The following BANP variants were observed in gnomAD, a reference collection of about 807,000 sequenced individuals.
BANP encodes BTG3 associated nuclear protein, also known as protein BANP.
Under a neutral mutation model 68.1 loss-of-function variants are expected in BANP, and 11 were observed. That is an observed-to-expected ratio of 0.16 (90% confidence interval 0.10 to 0.27). The LOEUF is 0.27. BANP is among the 10% of genes least tolerant of loss of function. BANP has a pLI of 1.00. For missense variants in BANP, 504 were observed against 722.7 expected (o/e 0.70, Z 3.47); for synonymous variants, 329 against 303.2 (o/e 1.09, Z -0.88).
chr16:87,950,839 A>G (rs2056734701), upstream of BANP: 1 of 152,146 alleles, frequency 6.6e-6, no homozygotes, highest in Non-Finnish European at 1.5e-5. Context: ...GCCCCTCTGG[A>G]TAGACACTGG....
intron 7 of BANP, among the ~76,000 whole-genome samples, chr16:88,020,453 G>C (rs1199118235): frequency 3.3e-5 from 5 of 152,252 alleles, no homozygotes; most frequent in African/African-American, 1.2e-4. Context: ...GTGGATCACA[G>C]TGTGGAGTGC....
chr16:88,073,185 C>T (rs1279792192), intron 13 of BANP, among the ~76,000 whole-genome samples: 1 of 152,248 alleles, frequency 6.6e-6, no homozygotes, highest in East Asian at 1.9e-4. Context: ...AGCTCACGCT[C>T]ACCAGGGTGC....
chr16:87,967,013 C>T (rs776558304), intron 1 of BANP, among the ~76,000 whole-genome samples: 4 of 152,172 alleles, frequency 2.6e-5, no homozygotes, highest in Non-Finnish European at 5.9e-5. Context: ...AGGAGGAGCA[C>T]GGAAGAAGGG....
intron 1 of BANP, chr16:87,966,746 T>C (rs1225659863): frequency 1.3e-5 from 2 of 152,234 alleles, no homozygotes; most frequent in African/African-American, 4.8e-5. Context: ...TAACCTGGAC[T>C]CTCTGGACCC....
chr16:88,010,980 A>C (rs1183732037), intron 6 of BANP, among the ~76,000 whole-genome samples: 1 of 152,256 alleles, frequency 6.6e-6, no homozygotes, highest in African/African-American at 2.4e-5. Flanking sequence ...GTGAGGTAAC[A>C]GGAAACATTT....
intron 6 of BANP, among the ~76,000 whole-genome samples, chr16:88,010,654 T>C (rs1405194204): frequency 6.6e-6 from 1 of 152,264 alleles, no homozygotes; most frequent in African/African-American, 2.4e-5. Context: ...GTCCACACAA[T>C]GTTAGCCGTG....
intron 11 of BANP, among the ~76,000 whole-genome samples, chr16:88,040,795 G>C (rs2080579008): frequency 6.6e-6 from 1 of 152,228 alleles, no homozygotes; most frequent in African/African-American, 2.4e-5. Context: ...TGTTCCAGGT[G>C]GTTGGGGGAG....
At chr16:87,975,206 A>T (rs1486853916) in intron 2 of BANP, 21 bp downstream of exon 2, 8 of 1,612,006 alleles carry the variant, frequency 5.0e-6, no homozygotes, top group Non-Finnish European at 5.9e-6. Flanking sequence ...GTGGGACAGT[A>T]GGTGAAATAT....
Position 88,064,814 on chromosome 16 carries a change from C to A in BANP, c.1312-453C>A, listed in dbSNP as rs935554463. On this transcript the variant is annotated intron_variant, in intron 11 of 13. Coordinates refer to ENST00000682872, the MANE Select transcript of BANP (RefSeq NM_001386991.1). This position sits in a 1 kb window ranked among gnomAD's most constrained non-coding sequence, Gnocchi z 4.5. Reference sequence around the variant, plus strand: ...GGCTGGGATAGGAGACAGCCAGGACCCCTCAGCTTCTGAGGGCCGTGGCCT... The same window carrying A: ...GGCTGGGATAGGAGACAGCCAGGACACCTCAGCTTCTGAGGGCCGTGGCCT... 6.6e-6 allele frequency among the ~76,000 whole-genome samples: 1 copy of A among 152,238 alleles called. No homozygotes were observed. Among genetic ancestry groups the A allele is most frequent in the East Asian group, 1.9e-4 (1 of 5,184 alleles).
chr16:87,991,606 G>A (rs892071208), intron 4 of BANP, among the ~76,000 whole-genome samples: 1 of 152,286 alleles, frequency 6.6e-6, no homozygotes, highest in African/African-American at 2.4e-5. Context: ...CAGCTTCTGT[G>A]CATATTTTGT....
chr16:87,995,527 T>A (rs1190768062), intron 4 of BANP, among the ~76,000 whole-genome samples: 2 of 152,342 alleles, frequency 1.3e-5, no homozygotes, highest in Non-Finnish European at 2.9e-5. Context: ...ATACTTTTCC[T>A]TGAGAGAATT....
At chr16:87,964,734 G>A (rs1458436721) in intron 1 of BANP, among the ~76,000 whole-genome samples, 2 of 152,184 alleles carry the variant, frequency 1.3e-5, no homozygotes, top group South Asian at 2.1e-4. Context: ...TCTGAGGGGC[G>A]GCCTGGGTCC....
chr16:88,048,456 T>A (rs1860509287), intron 11 of BANP, among the ~76,000 whole-genome samples: 1 of 151,962 alleles, frequency 6.6e-6, no homozygotes, highest in African/African-American at 2.4e-5. Context: ...CACCGCAGAT[T>A]TAAGAAAGGA....
At chr16:88,016,560 C>T (rs566046857) in intron 6 of BANP, among the ~76,000 whole-genome samples, 3 of 152,340 alleles carry the variant, frequency 2.0e-5, no homozygotes, top group Admixed American at 1.3e-4. Context: ...AGCTTAGATG[C>T]GGAGCTTTAG....
chr16:88,049,942 G>A (rs1311385229), intron 11 of BANP, among the ~76,000 whole-genome samples: 1 of 152,222 alleles, frequency 6.6e-6, no homozygotes, highest in Non-Finnish European at 1.5e-5. Flanking sequence ...ATACAGCATA[G>A]GAAATGTGTT....
At chr16:87,971,809 T>C (rs1190806587) in intron 1 of BANP, among the ~76,000 whole-genome samples, 3 of 152,192 alleles carry the variant, frequency 2.0e-5, no homozygotes, top group African/African-American at 7.2e-5. Context: ...TTTCCTTTTT[T>C]CGAGACAGGG....
intron 1 of BANP, among the ~76,000 whole-genome samples, chr16:87,961,538 A>G (rs1424817615): frequency 6.6e-6 from 1 of 152,162 alleles, no homozygotes; most frequent in East Asian, 1.9e-4. Flanking sequence ...GCAGATAGGA[A>G]ACTCTAGTTG....
chr16:87,955,622 C>T (rs1008087565), intron 1 of BANP, among the ~76,000 whole-genome samples: 1 of 152,146 alleles, frequency 6.6e-6, no homozygotes, highest in Non-Finnish European at 1.5e-5. Flanking sequence ...GCCCTGTCTC[C>T]TTAATGTCCT....
chr16:87,965,659 G>A (rs1360810149), intron 1 of BANP, among the ~76,000 whole-genome samples: 10 of 152,178 alleles, frequency 6.6e-5, no homozygotes, highest in Admixed American at 2.0e-4. Flanking sequence ...GCGCACCTGA[G>A]GTTGATTGGA....
Sources: gnomAD v4.1 joint callset for allele counts (sites outside exome capture counted in the v4.1 genomes callset) on GRCh38, gnomAD v4.1.1 for gene constraint, Gnocchi (gnomAD v3.1) non-coding constraint, MANE v1.5 for transcripts, NCBI Gene and HGNC (gene_info 2026-07-23, HGNC 2026-07-21) for gene names.